CD6: variants seen among roughly 807,000 people sequenced by gnomAD.
The protein encoded by CD6 is CD6 molecule, also known as T-cell differentiation antigen CD6.
CD6 carries 53 observed loss-of-function variants against 75.3 expected under a neutral mutation model. The ratio of observed to expected loss-of-function variants is 0.70; its 90% CI spans 0.56 to 0.88. The LOEUF (loss-of-function observed/expected upper bound fraction) is 0.88, where lower values mean the gene tolerates loss of function less well. Ranked by LOEUF, CD6 falls within the 40% of genes least tolerant of loss-of-function variation. The probability of loss-of-function intolerance (pLI) is 0.00; values close to 1 mark genes in which losing one functional copy is unlikely to be tolerated. For missense variants in CD6, 770 were observed against 897.1 expected (o/e 0.86, Z 1.81); for synonymous variants, 359 against 381.5 (o/e 0.94, Z 0.69).
chr11:61,001,383 A>G (rs1858581414), intron 1 of CD6, among the ~76,000 whole-genome samples: 1 of 151,880 alleles, frequency 6.6e-6, no homozygotes, highest in Non-Finnish European at 1.5e-5. Flanking sequence ...TTGTATTTTT[A>G]GTAGAGACAG....
intron 1 of CD6, among the ~76,000 whole-genome samples, chr11:60,988,505 G>A (rs545430072): frequency 6.6e-6 from 1 of 152,272 alleles, no homozygotes; most frequent in South Asian, 2.1e-4. Flanking sequence ...GGTGAGGAGG[G>A]GGCTGTTGTT....
chr11:61,013,812 G>T (rs970948210), intron 7 of CD6, 107 bp from the exon 8 acceptor site: 1 of 813,060 alleles, frequency 1.2e-6, no homozygotes, highest in Admixed American at 2.6e-5. Context: ...GCCTGCAAGT[G>T]TTGGGGGAAT....
intron 1 of CD6, among the ~76,000 whole-genome samples, chr11:60,995,023 A>G (rs1039845469): frequency 3.3e-5 from 5 of 152,182 alleles, no homozygotes; most frequent in African/African-American, 1.2e-4. Flanking sequence ...ACTCAGCCCA[A>G]CCGGGTGTCA....
chr11:61,008,385 C>T (rs777862915), intron 3 of CD6, 149 bp from the exon 4 acceptor site: 6 of 759,752 alleles, frequency 7.9e-6, no homozygotes, highest in Non-Finnish European at 1.0e-5. Flanking sequence ...ATCTGCAGTC[C>T]TGGGGGGATT....
chr11:61,000,315 A>AT (rs1417342271), intron 1 of CD6, among the ~76,000 whole-genome samples: 58 of 87,822 alleles, frequency 6.6e-4, no homozygotes, highest in African/African-American at 9.3e-4. Context: ...CTTTCTGTTG[A>AT]TTTTTTTTTT....
chr11:60,972,010 T>C, intron 1 of CD6, 96 bp downstream of exon 1: 2 of 1,306,668 alleles, frequency 1.5e-6, no homozygotes, highest in Non-Finnish European at 2.2e-6. Context: ...TGGTCACTTT[T>C]CTAGGATCTT....
At position 60,973,612 on chromosome 11, in the gene CD6, T is replaced by C. The variant is rs529622321; in HGVS notation, c.49+1698T>C. 3.3e-5 allele frequency among the ~76,000 whole-genome samples: 5 copies of C among 152,224 alleles called. No individual in the cohort carries two copies. The South Asian group carries it at 1.0e-3, about 32-fold the overall frequency. ...TGGCAAAACCCAATTTCTATTACGC[T>C]TTAGCAAAAAGTGAAAAGATCGTGA... On this transcript the variant is annotated intron_variant, in intron 1 of 12. Coordinates refer to ENST00000313421, the MANE Select transcript of CD6 (RefSeq NM_006725.5).
At chr11:60,976,514 GTGTT>G (rs1294061045) in intron 1 of CD6, among the ~76,000 whole-genome samples, 2 of 152,152 alleles carry the variant, frequency 1.3e-5, no homozygotes, top group South Asian at 2.1e-4. Context: ...TATACTATGA[GTGTT>G]TGTTTATTTA....
chr11:61,017,611 A>T, intron 10 of CD6, 61 bp downstream of exon 10: 1 of 1,564,254 alleles, frequency 6.4e-7, no homozygotes, highest in East Asian at 2.2e-5. Context: ...AGCTCAGCTC[A>T]GCTTGAGACC....
chr11:61,000,692 C>T (rs1858538065), intron 1 of CD6, among the ~76,000 whole-genome samples: 1 of 152,226 alleles, frequency 6.6e-6, no homozygotes, highest in South Asian at 2.1e-4. Flanking sequence ...TCCCTCACCT[C>T]TCAGATGCCC....
At chr11:61,013,772 TTG>T in intron 7 of CD6, 145 bp from the exon 8 acceptor site, 15 of 722,168 alleles carry the variant, frequency 2.1e-5, no homozygotes, top group South Asian at 3.5e-5. Flanking sequence ...GTGCCTGTGT[TTG>T]TGTGTGTGTT....
chr11:60,978,896 T>G (rs1282792496), intron 1 of CD6, among the ~76,000 whole-genome samples: 3 of 152,140 alleles, frequency 2.0e-5, no homozygotes, highest in African/African-American at 7.2e-5. Flanking sequence ...CCGAACAAAA[T>G]GCAGTGCTCA....
rs1859368496 is a variant in CD6, at chr11:61,015,740, C to G, written c.1415C>G (p.Ala472Gly). Residue 472 changes from alanine (A) to glycine (G), a missense_variant, in exon 9 of 13, where the codon GCC becomes GGC. Coordinates refer to ENST00000313421, the MANE Select transcript of CD6 (RefSeq NM_006725.5). ...EVFMLPIQVQ[A>G]PPPEDSDSGS... Reference sequence around the variant, plus strand: ...TTCATGCTGCCCATCCAGGTCCAGGCCCCGCCCCCTGAGGACTCAGACTCT... The same window carrying G: ...TTCATGCTGCCCATCCAGGTCCAGGGCCCGCCCCCTGAGGACTCAGACTCT... 1.9e-6 allele frequency: 3 copies of G among 1,614,106 alleles called. No homozygotes were observed. The Admixed American group carries it at 5.0e-5, about 27-fold the overall frequency.
intron 1 of CD6, among the ~76,000 whole-genome samples, chr11:60,974,330 C>T (rs904112796): frequency 5.3e-5 from 8 of 152,160 alleles, no homozygotes; most frequent in Non-Finnish European, 1.2e-4. Context: ...CTTCTTCCCC[C>T]TTTTATTTTT....
At chr11:61,014,087 A>C (rs1326543119) in intron 8 of CD6, 73 bp downstream of exon 8, 16 of 1,106,758 alleles carry the variant, frequency 1.4e-5, no homozygotes, top group Non-Finnish European at 2.0e-5. Context: ...GAAGGTCAGC[A>C]CCACTTAGGT....
rs774453541 is a variant in CD6 at position 61,006,675 on chromosome 11, C to T, written c.118+33C>T. The T allele has an allele frequency of 5.1e-6, 8 of 1,563,034 alleles. 1 individual carries two copies. In the South Asian group the frequency reaches 8.1e-5, roughly 16 times the overall value. On this transcript the variant is annotated intron_variant, in intron 2 of 12. Coordinates refer to ENST00000313421, the MANE Select transcript of CD6 (RefSeq NM_006725.5). Reference sequence around the variant, plus strand: ...AACATTCCCTCTGGGGGTCCATGATCAGCTTTCTGTAGGTGGTCCCCCAGG... The same window carrying T: ...AACATTCCCTCTGGGGGTCCATGATTAGCTTTCTGTAGGTGGTCCCCCAGG...
intron 8 of CD6, 122 bp from the exon 9 acceptor site, chr11:61,015,591 G>A: frequency 6.2e-6 from 7 of 1,128,170 alleles, no homozygotes; most frequent in South Asian, 1.5e-5. Flanking sequence ...GAAAAAAAAA[G>A]GGGGCTACTT....
intron 3 of CD6, among the ~76,000 whole-genome samples, chr11:61,008,137 T>C (rs991318518): frequency 6.6e-6 from 1 of 152,078 alleles, no homozygotes; most frequent in Non-Finnish European, 1.5e-5. Flanking sequence ...CCACACTTGG[T>C]TCCTAGTCCC....
rs1430645145 is a variant in CD6, at chr11:60,979,762, G to A, written c.49+7848G>A. On this transcript the variant is annotated intron_variant, in intron 1 of 12. Coordinates refer to ENST00000313421, the MANE Select transcript of CD6 (RefSeq NM_006725.5). Reference sequence around the variant, plus strand: ...GCTGGGATTACAGGTGTGAGCCACTGTGCCTGGCCTAGGCTCCATATTTTC... The same window carrying A: ...GCTGGGATTACAGGTGTGAGCCACTATGCCTGGCCTAGGCTCCATATTTTC... 2.0e-5 allele frequency among the ~76,000 whole-genome samples: 3 copies of A among 152,156 alleles called. No homozygotes were observed. The East Asian group carries it at 5.8e-4, about 29-fold the overall frequency.
Sources: allele counts gnomAD v4.1 joint callset (sites outside exome capture counted in the v4.1 genomes callset), GRCh38; gene constraint gnomAD v4.1.1; transcripts MANE v1.5; gene names NCBI Gene and HGNC (gene_info 2026-07-23, HGNC 2026-07-21).